The following AFF2 variants were observed in gnomAD, a reference collection of about 807,000 sequenced individuals.
The protein encoded by AFF2 is ALF transcription elongation factor 2, also known as AF4/FMR2 family member 2.
A neutral mutation model predicts 76.9 loss-of-function variants in AFF2; 14 were observed. The observed-to-expected ratio is 0.18, with a 90% CI of 0.12 to 0.28. AFF2 has a LOEUF of 0.28. Ranked by LOEUF, AFF2 falls within the 10% of genes least tolerant of loss-of-function variation. The pLI is 1.00. For synonymous variants in AFF2, 398 were observed against 366.7 expected (o/e 1.09, Z -0.98); for missense variants, 868 against 1,001.1 (o/e 0.87, Z 1.79).
intron 1 of AFF2, among the ~76,000 whole-genome samples, chrX:148,539,063 T>TA (rs200614797): frequency 5.4e-5 from 6 of 111,145 alleles, no homozygotes; most frequent in East Asian, 2.8e-4. Flanking sequence ...AACCAGAAAT[T>TA]AAAAAAAATT....
chrX:148,868,418 C>T (rs1163053293), intron 7 of AFF2, among the ~76,000 whole-genome samples: 1 of 111,505 alleles, frequency 9.0e-6, no homozygotes, highest in Admixed American at 9.5e-5. Flanking sequence ...ATTACTGAAG[C>T]CATAGTGAGA....
intron 1 of AFF2, among the ~76,000 whole-genome samples, chrX:148,615,752 T>C (rs2053792063): frequency 9.0e-6 from 1 of 111,506 alleles, no homozygotes; most frequent in Non-Finnish European, 1.9e-5. Flanking sequence ...GCATTCTATG[T>C]ATGGGTAGAA....
chrX:148,736,870 G>A (rs1557265130), intron 3 of AFF2, among the ~76,000 whole-genome samples: 1 of 111,503 alleles, frequency 9.0e-6, no homozygotes, highest in Admixed American at 9.5e-5. Flanking sequence ...GTTGAAAAGG[G>A]TGTCTTTTCC....
chrX:148,807,492 T>G (rs2070151412), intron 3 of AFF2, among the ~76,000 whole-genome samples: 2 of 111,994 alleles, frequency 1.8e-5, no homozygotes, highest in Admixed American at 1.9e-4. Flanking sequence ...AAAGGTACAG[T>G]TATTAAGTCC....
At chrX:148,674,041 T>C (rs1557259285) in intron 3 of AFF2, among the ~76,000 whole-genome samples, 1 of 112,208 alleles carries the variant, frequency 8.9e-6, no homozygotes, top group Admixed American at 9.5e-5. Context: ...TTTTCTACTA[T>C]ACGGGCTATA....
At position 148,688,411 on chromosome X, in the gene AFF2, C is replaced by T. The variant is rs1367579001; in HGVS notation, c.1041+25643C>T. ...TTACTCTTGATATCCTTTGGGAAGA[C>T]TTCTCAAAGCAGGTATTCCTCTTTT... On this transcript the variant is annotated intron_variant, in intron 3 of 20. Transcript: ENST00000370460. Among the ~76,000 whole-genome samples, 5 of 111,558 alleles carry T rather than the reference C, an allele frequency of 4.5e-5. No homozygotes were observed. In the East Asian group the frequency reaches 1.1e-3, roughly 25 times the overall value.
rs192676232 is a variant in AFF2 at position 148,552,706 on chromosome X, A to C, written c.47+51562A>C. The stretch of plus-strand genomic sequence containing the variant: ...GGAATAGGTTTAATATTACAAAACA[A>C]GTCTTGGCTTGACAGCACAGATAGA... On this transcript the variant is annotated intron_variant, in intron 1 of 20. Coordinates refer to ENST00000370460, the MANE Select transcript of AFF2 (RefSeq NM_002025.4). Among the ~76,000 whole-genome samples the C allele has an allele frequency of 3.3e-4, 37 of 112,513 alleles. 1 individual carries two copies. Among genetic ancestry groups the C allele is most frequent in the Admixed American group, 3.3e-3 (35 of 10,654 alleles).
intron 4 of AFF2, among the ~76,000 whole-genome samples, chrX:148,816,927 T>C (rs2070271321): frequency 2.1e-5 from 1 of 47,781 alleles, no homozygotes; most frequent in Non-Finnish European, 3.9e-5. Flanking sequence ...CACCACAAGA[T>C]CTATGCAAAA....
At chrX:148,643,249 G>GT (rs1156838015) in intron 1 of AFF2, among the ~76,000 whole-genome samples, 5 of 112,253 alleles carry the variant, frequency 4.5e-5, no homozygotes, top group African/African-American at 1.6e-4. Context: ...ATGTACAGTA[G>GT]TTTAAATTTT....
At chrX:148,884,396 C>T (rs180957131) in intron 7 of AFF2, among the ~76,000 whole-genome samples, 42 of 111,968 alleles carry the variant, frequency 3.8e-4, no homozygotes, top group Non-Finnish European at 5.3e-4. Context: ...ATTGGATATC[C>T]GCTCTGCCCT....
At chrX:148,692,653 TTATA>T (rs1341560871) in intron 3 of AFF2, among the ~76,000 whole-genome samples, 2 of 112,112 alleles carry the variant, frequency 1.8e-5, no homozygotes, top group African/African-American at 6.5e-5. Context: ...ATACATATAA[TTATA>T]TATAAGCATA....
At chrX:148,793,558 T>C (rs782012766) in intron 3 of AFF2, among the ~76,000 whole-genome samples, 18 of 111,777 alleles carry the variant, frequency 1.6e-4, no homozygotes, top group Middle Eastern at 9.2e-3. Context: ...GGACTTCCAA[T>C]AGAAGAAGCT....
intron 3 of AFF2, among the ~76,000 whole-genome samples, chrX:148,803,041 A>C (rs1054006698): frequency 9.0e-6 from 1 of 111,594 alleles, no homozygotes; most frequent in Non-Finnish European, 1.9e-5. Context: ...ATTAAGTGGA[A>C]TCTAGATTTT....
chrX:148,755,312 A>G lies in AFF2; in HGVS notation c.1042-54564A>G, dbSNP rs781874454. ...TTAATTATGATATTGAGTTACAGAA[A>G]AACGTTTCCCTTTTTTTTCCAATTT... On this transcript the variant is annotated intron_variant, in intron 3 of 20. Coordinates refer to ENST00000370460, the MANE Select transcript of AFF2 (RefSeq NM_002025.4). Among the ~76,000 whole-genome samples, 4 of 112,240 alleles carry G rather than the reference A, an allele frequency of 3.6e-5. No individual in the cohort carries two copies. The East Asian group carries it at 1.1e-3, about 31-fold the overall frequency.
At chrX:148,694,909 G>A (rs1447670819) in intron 3 of AFF2, among the ~76,000 whole-genome samples, 3 of 104,636 alleles carry the variant, frequency 2.9e-5, no homozygotes, top group Admixed American at 1.0e-4. Flanking sequence ...TCCGTCTCCC[G>A]GGTTCAAGCA....
At chrX:148,666,362 G>A (rs907561658) in intron 3 of AFF2, among the ~76,000 whole-genome samples, 15 of 110,853 alleles carry the variant, frequency 1.4e-4, no homozygotes, top group Admixed American at 9.7e-4. Context: ...TGAGATGGGC[G>A]GATCATGAAG....
chrX:148,514,232 A>G (rs188361704), intron 1 of AFF2, among the ~76,000 whole-genome samples: 1 of 112,145 alleles, frequency 8.9e-6, no homozygotes, highest in East Asian at 2.8e-4. Flanking sequence ...GCAAAGAGGA[A>G]AAAAAAGAAG....
intron 1 of AFF2, among the ~76,000 whole-genome samples, chrX:148,575,563 C>T (rs189459358): frequency 5.1e-4 from 57 of 110,839 alleles, no homozygotes; most frequent in Admixed American, 4.5e-3. Context: ...ATTCAAATCA[C>T]CCTGAATCTC....
chrX:148,559,042 A>G (rs2053081743), intron 1 of AFF2, among the ~76,000 whole-genome samples: 1 of 111,034 alleles, frequency 9.0e-6, no homozygotes, highest in Non-Finnish European at 1.9e-5. Flanking sequence ...GACAGGTTCA[A>G]TCCTGTAAGA....
Sources: gnomAD v4.1 joint callset for allele counts (sites outside exome capture counted in the v4.1 genomes callset) on GRCh38, gnomAD v4.1.1 for gene constraint, MANE v1.5 for transcripts, NCBI Gene and HGNC (gene_info 2026-07-23, HGNC 2026-07-21) for gene names.